PCDHA4: variants seen among roughly 807,000 people sequenced by gnomAD.
PCDHA4 encodes protocadherin alpha 4.
In PCDHA4, 49 loss-of-function variants were observed where a neutral mutation model predicts 61.4. That is an observed-to-expected ratio of 0.80 (90% CI 0.63 to 1.01). The LOEUF is 1.01. Ranked by LOEUF, PCDHA4 falls within the 50% of genes least tolerant of loss-of-function variation. The pLI is 0.00. For synonymous variants in PCDHA4, 590 were observed against 550.3 expected (o/e 1.07, Z -1.01); for missense variants, 1,254 against 1,235.8 (o/e 1.01, Z -0.22).
intron 1 of PCDHA4, among the ~76,000 whole-genome samples, chr5:140,910,092 C>T (rs1554194118): frequency 6.6e-6 from 1 of 152,170 alleles, no homozygotes; most frequent in African/African-American, 2.4e-5. Context: ...GGGGAACCAG[C>T]CTCCCCTTCA....
intron 1 of PCDHA4, among the ~76,000 whole-genome samples, chr5:140,907,411 G>T (rs1053744231): frequency 6.6e-6 from 1 of 152,192 alleles, no homozygotes; most frequent in Non-Finnish European, 1.5e-5. Flanking sequence ...GGAATACCAC[G>T]ATGGTGGATA....
In PCDHA4 at chr5:140,869,463, C is replaced by A. The variant is rs1554163094; in HGVS notation, c.2385+59891C>A. On this transcript the variant is annotated intron_variant, in intron 1 of 3. Transcript: ENST00000530339. ...GGCCGCTGCAGGTTTTCCATGTGAACGTGGAGGTGAAGGACATTAACGACA... is the reference window on the plus strand; with the variant it reads ...GGCCGCTGCAGGTTTTCCATGTGAAAGTGGAGGTGAAGGACATTAACGACA... 2 of 1,614,148 alleles carry A rather than the reference C, an allele frequency of 1.2e-6. No homozygotes were observed. Among genetic ancestry groups the A allele is most frequent in the Admixed American group, 1.7e-5 (1 of 60,024 alleles).
At chr5:140,978,862 T>C (rs750080921) in intron 1 of PCDHA4, 87 bp from the exon 2 acceptor site, 138 of 1,599,976 alleles carry the variant, frequency 8.6e-5, no homozygotes, top group Non-Finnish European at 1.1e-4. Flanking sequence ...CTGGAAATAT[T>C]TAAGGGAGTA....
intron 1 of PCDHA4, chr5:140,810,778 G>A (rs1236726789): frequency 6.6e-6 from 1 of 151,406 alleles, no homozygotes; most frequent in African/African-American, 2.4e-5. Context: ...TTTTTTAGTA[G>A]TTTTCAACCT....
chr5:140,882,234 T>C, intron 1 of PCDHA4: 1 of 1,579,306 alleles, frequency 6.3e-7, no homozygotes, highest in Non-Finnish European at 8.6e-7. Flanking sequence ...GCGTTGTATA[T>C]ATTGCAGATA....
chr5:140,850,566 G>GTGAC (rs1554144512), intron 1 of PCDHA4: 1 of 1,598,448 alleles, frequency 6.3e-7, no homozygotes, highest in Admixed American at 1.7e-5. Flanking sequence ...GGGCCCCGAG[G>GTGAC]TGACGCTGGT....
In PCDHA4 at chr5:140,807,584, T is replaced by A. The variant is rs76522243; in HGVS notation, c.397T>A (p.Phe133Ile). The change falls in exon 1 of 4, where the codon TTC becomes ATC. Residue 133 changes from phenylalanine (F) to isoleucine (I), a missense_variant. Transcript: ENST00000530339. ...GGACATTAACGATAACCCGCCGGTGTTCCCAGCAACACAAAAGAACCTGTC... is the reference window on the plus strand; with the variant it reads ...GGACATTAACGATAACCCGCCGGTGATCCCAGCAACACAAAAGAACCTGTC... ...VRDINDNPPVFPATQKNLSIA... is the reference protein window; with the variant it reads ...VRDINDNPPVIPATQKNLSIA... 283 of 1,614,132 alleles carry A rather than the reference T, an allele frequency of 1.8e-4. No individual in the cohort carries two copies. The African/African-American group carries it at 2.4e-3, about 14-fold the overall frequency.
Position 140,924,836 on chromosome 5 carries a change from A to G in PCDHA4, c.2386-54113A>G, listed in dbSNP as rs182903893. ...CTTGAACCTGGGAGGGGGAGGTTGC[A>G]GGGAGCTCAGATCGTGCCACTGCAC... On this transcript the variant is annotated intron_variant, in intron 1 of 3. Coordinates refer to ENST00000530339, the MANE Select transcript of PCDHA4 (RefSeq NM_018907.4). Among the ~76,000 whole-genome samples, 1,210 of 151,808 alleles carry G rather than the reference A, an allele frequency of 8.0e-3. 6 individuals carry two copies. Among genetic ancestry groups the G allele is most frequent in the African/African-American group, 0.019 (780 of 41,292 alleles).
At chr5:140,877,725 G>A (rs570815670) in intron 1 of PCDHA4, 1 of 1,614,124 alleles carries the variant, frequency 6.2e-7, no homozygotes, top group Non-Finnish European at 8.5e-7. Flanking sequence ...GGTCTTACTC[G>A]CAGCAGAGGA....
chr5:140,943,571 G>A (rs1164273913), intron 1 of PCDHA4, among the ~76,000 whole-genome samples: 4 of 152,152 alleles, frequency 2.6e-5, no homozygotes, highest in Admixed American at 2.6e-4. Context: ...ATTTTAATTT[G>A]TTGATCTGAG....
intron 1 of PCDHA4, chr5:140,883,418 C>G: frequency 6.2e-7 from 1 of 1,614,172 alleles, no homozygotes; most frequent in Non-Finnish European, 8.5e-7. Context: ...CTCAAATGGA[C>G]AGGTCACCTG....
chr5:140,858,323 G>A, intron 1 of PCDHA4: 2 of 1,596,704 alleles, frequency 1.3e-6, no homozygotes, highest in Non-Finnish European at 1.7e-6. Context: ...GGTGTGTTCT[G>A]GGGAGGGCCT....
At chr5:140,857,758 C>T (rs1562528719) in intron 1 of PCDHA4, 2 of 1,597,374 alleles carry the variant, frequency 1.3e-6, no homozygotes, top group Admixed American at 1.7e-5. Flanking sequence ...CTCCCGCTGG[C>T]AGCGCGGGCG....
intron 1 of PCDHA4, among the ~76,000 whole-genome samples, chr5:140,971,749 CAT>C (rs143190557): frequency 0.047 from 7,111 of 152,104 alleles, 190 homozygotes; most frequent in Non-Finnish European, 0.062. Context: ...ACATATATCT[CAT>C]ATTACTGAAT....
At chr5:140,924,906 T>A (rs199645977) in intron 1 of PCDHA4, among the ~76,000 whole-genome samples, 5,369 of 55,724 alleles carry the variant, frequency 0.096, 112 homozygotes, top group Non-Finnish European at 0.11. Context: ...AAAAAAAAAA[T>A]AAAATAAAAT....
chr5:140,997,719 C>T (rs1456038917), intron 3 of PCDHA4, among the ~76,000 whole-genome samples: 1 of 150,932 alleles, frequency 6.6e-6, no homozygotes, highest in East Asian at 1.9e-4. Context: ...CACCTTTCTA[C>T]GTCAGTACAT....
chr5:140,857,371 T>C (rs1203627643), intron 1 of PCDHA4: 2 of 1,598,092 alleles, frequency 1.3e-6, no homozygotes, highest in African/African-American at 2.7e-5. Flanking sequence ...CCAGCGTGTC[T>C]GTGGAGGTGG....
At chr5:140,831,200 C>T (rs1157028423) in intron 1 of PCDHA4, 2 of 152,180 alleles carry the variant, frequency 1.3e-5, no homozygotes, top group African/African-American at 4.8e-5. Context: ...ACCTTGTGAT[C>T]AAGTAAATTT....
At chr5:140,883,504 C>G in intron 1 of PCDHA4, 1 of 1,614,172 alleles carries the variant, frequency 6.2e-7, no homozygotes, top group East Asian at 2.2e-5. Context: ...TGGACAGCGC[C>G]CTGGACCGCG....
Sources: allele counts gnomAD v4.1 joint callset (sites outside exome capture counted in the v4.1 genomes callset), GRCh38; gene constraint gnomAD v4.1.1; transcripts MANE v1.5; gene names NCBI Gene and HGNC (gene_info 2026-07-23, HGNC 2026-07-21).